Variants in ARFIP1 observed in about 807,000 individuals in gnomAD.
ARFIP1 encodes the protein ARF interacting protein 1.
A neutral mutation model predicts 42.5 loss-of-function variants in ARFIP1; 24 were observed. That is an observed-to-expected ratio of 0.57 (90% confidence interval 0.41 to 0.80). The LOEUF (loss-of-function observed/expected upper bound fraction) is 0.80. Ranked by LOEUF, ARFIP1 falls within the 30% of genes least tolerant of loss-of-function variation. ARFIP1 has a pLI of 0.00. For synonymous variants in ARFIP1, 141 were observed against 153.7 expected, an observed-to-expected ratio of 0.92 and a Z score of 0.61; for missense variants, 354 against 434.0, an observed-to-expected ratio of 0.82 and a Z score of 1.64.
intron 1 of ARFIP1, among the ~76,000 whole-genome samples, chr4:152,813,337 C>G (rs927828686): frequency 6.6e-6 from 1 of 152,180 alleles, no homozygotes; most frequent in South Asian, 2.1e-4. Flanking sequence ...AACCAGTCCC[C>G]CACAGATACC....
At chr4:152,897,941 A>T (rs1001246331) in intron 8 of ARFIP1, among the ~76,000 whole-genome samples, 1 of 151,610 alleles carries the variant, frequency 6.6e-6, no homozygotes, top group Non-Finnish European at 1.5e-5. Flanking sequence ...GTAAAGTCTC[A>T]GAAGACACTA....
chr4:152,866,540 G>A (rs958573195), intron 3 of ARFIP1, among the ~76,000 whole-genome samples: 105 of 105,172 alleles, frequency 1.0e-3, no homozygotes, highest in African/African-American at 3.9e-3. Context: ...CTGGCCGCGC[G>A]GGGGCTGACC....
At chr4:152,789,943 G>A (rs777124126) in intron 1 of ARFIP1, among the ~76,000 whole-genome samples, 34 of 152,160 alleles carry the variant, frequency 2.2e-4, no homozygotes, top group Admixed American at 6.5e-4. Context: ...TCTCCAAGGA[G>A]CACTGATTCC....
chr4:152,847,124 C>CTTTTTTTTTTTTTTTTTTTTGTTTTTT (rs1732607772), intron 2 of ARFIP1, among the ~76,000 whole-genome samples: 1 of 40,584 alleles, frequency 2.5e-5, no homozygotes, highest in African/African-American at 9.6e-5. Context: ...TAGGTTTGTT[C>CTTTTTTTTTTTTTTTTTTTTGTTTTTT]TTTTTTTTTT....
intron 8 of ARFIP1, among the ~76,000 whole-genome samples, chr4:152,897,732 A>C (rs933594186): frequency 1.3e-5 from 2 of 152,118 alleles, no homozygotes; most frequent in Admixed American, 6.5e-5. Flanking sequence ...ATCCAACTTG[A>C]TTTGCCAGGT....
chr4:152,874,496 A>C (rs1735156854), intron 5 of ARFIP1, among the ~76,000 whole-genome samples: 2 of 152,240 alleles, frequency 1.3e-5, no homozygotes, highest in Admixed American at 1.3e-4. Flanking sequence ...AAAAAAGTTC[A>C]TAGTGTAATG....
chr4:152,860,705 G>A (rs1031473076), intron 2 of ARFIP1, among the ~76,000 whole-genome samples: 1 of 152,074 alleles, frequency 6.6e-6, no homozygotes, highest in Non-Finnish European at 1.5e-5. Flanking sequence ...AATCCCCTCC[G>A]TTTAATTTAT....
intron 4 of ARFIP1, 46 bp from the exon 5 acceptor site, chr4:152,872,406 G>T: frequency 1.6e-6 from 2 of 1,270,308 alleles, no homozygotes; most frequent in Middle Eastern, 3.7e-4. Context: ...TTCTTTCCCT[G>T]CTTGTCTTCA....
intron 8 of ARFIP1, among the ~76,000 whole-genome samples, chr4:152,899,237 G>C (rs1267169408): frequency 6.6e-6 from 1 of 152,170 alleles, no homozygotes; most frequent in Non-Finnish European, 1.5e-5. Flanking sequence ...TTGAGATCAG[G>C]AATGGGGTAA....
At chr4:152,826,728 C>T (rs1482368810) in intron 1 of ARFIP1, among the ~76,000 whole-genome samples, 2 of 152,120 alleles carry the variant, frequency 1.3e-5, no homozygotes, top group African/African-American at 4.8e-5. Context: ...GGATCTTGCA[C>T]ACCCATGTTT....
rs142338869 is a variant in ARFIP1 at position 152,795,099 on chromosome 4, C to G, written c.-10+14873C>G. On this transcript the variant is annotated intron_variant, in intron 1 of 8. Transcript: ENST00000353617. ...AAGCCCTTTCACTCTTCTTTCCACC[C>G]CTTTCTCACCTGCCCAGGGTAGGTA... Among the ~76,000 whole-genome samples, 8 of 152,262 alleles carry G rather than the reference C, an allele frequency of 5.3e-5. No individual in the cohort carries two copies. The East Asian group carries it at 1.5e-3, about 29-fold the overall frequency.
At chr4:152,810,115 A>G (rs190410724) in intron 1 of ARFIP1, 1 of 152,358 alleles carries the variant, frequency 6.6e-6, no homozygotes, top group Admixed American at 6.5e-5. Context: ...ATCATCTCCA[A>G]AAAAGTAACA....
rs141136069 is a variant in ARFIP1, at chr4:152,888,267, A to G, written c.926A>G (p.Asn309Ser). The change falls in exon 8 of 9, where the codon AAT becomes AGT. Residue 309 changes from asparagine to serine, a missense_variant. Physicochemically the swap from Asn to Ser is conservative, Grantham distance 46. Coordinates refer to ENST00000353617, the MANE Select transcript of ARFIP1 (RefSeq NM_001025595.3). Reference sequence around the variant, plus strand: ...AAGGAAAAATATGATAAAATGCGCAATGATGTTTCTGTCAAATTGAAATTT... The same window carrying G: ...AAGGAAAAATATGATAAAATGCGCAGTGATGTTTCTGTCAAATTGAAATTT... ...AHKEKYDKMR[N>S]DVSVKLKFLE... is the part of the protein sequence containing the mutation. The G allele has an allele frequency of 4.4e-6, 7 of 1,608,920 alleles. No individual in the cohort carries two copies. The highest frequency in any genetic ancestry group is 4.0e-5 in the African/African-American group (3 of 74,690).
chr4:152,879,438 A>G lies in ARFIP1; in HGVS notation c.412-1525A>G, dbSNP rs186473027. On this transcript the variant is annotated intron_variant, in intron 5 of 8. Coordinates refer to ENST00000353617, the MANE Select transcript of ARFIP1 (RefSeq NM_001025595.3). The stretch of plus-strand genomic sequence containing the variant: ...TGTTAATAGTAGTTTTCTACTATTC[A>G]GTGTGATTAAAGGAAGAGGAAATTC... Among the ~76,000 whole-genome samples the G allele has an allele frequency of 1.8e-3, 271 of 152,330 alleles. 1 individual carries two copies. Among genetic ancestry groups the G allele is most frequent in the African/African-American group, 6.4e-3 (268 of 41,572 alleles).
chr4:152,823,725 C>T (rs566002370), intron 1 of ARFIP1, among the ~76,000 whole-genome samples: 12 of 131,032 alleles, frequency 9.2e-5, no homozygotes, highest in African/African-American at 2.9e-4. Flanking sequence ...TCCAGTGAGC[C>T]GAGATCACAC....
intron 8 of ARFIP1, among the ~76,000 whole-genome samples, chr4:152,888,571 G>T (rs527489872): frequency 6.6e-6 from 1 of 152,104 alleles, no homozygotes; most frequent in Non-Finnish European, 1.5e-5. Context: ...TTGGATTGGC[G>T]TTGATAGCAA....
chr4:152,797,911 T>C (rs902557516), intron 1 of ARFIP1, among the ~76,000 whole-genome samples: 1 of 152,188 alleles, frequency 6.6e-6, no homozygotes, highest in African/African-American at 2.4e-5. Flanking sequence ...ATTCCTCTGA[T>C]TGATTTTTCT....
intron 2 of ARFIP1, among the ~76,000 whole-genome samples, chr4:152,834,678 C>T (rs1355082717): frequency 6.6e-6 from 1 of 152,256 alleles, no homozygotes; most frequent in African/African-American, 2.4e-5. Context: ...GCCTCCATGG[C>T]TGCTCTCACT....
At chr4:152,909,799 C>T (rs1407112385) in intron 8 of ARFIP1, among the ~76,000 whole-genome samples, 1 of 152,028 alleles carries the variant, frequency 6.6e-6, no homozygotes, top group African/African-American at 2.4e-5. Context: ...TTAATCCTCT[C>T]AATAATGTTT....
Sources: gnomAD v4.1 joint callset for allele counts (sites outside exome capture counted in the v4.1 genomes callset) on GRCh38, gnomAD v4.1.1 for gene constraint, MANE v1.5 for transcripts, NCBI Gene and HGNC (gene_info 2026-07-23, HGNC 2026-07-21) for gene names.